ZNF44: variants seen among roughly 807,000 people sequenced by gnomAD.
The protein encoded by ZNF44 is zinc finger protein 44, also known as gonadotropin inducible transcription repressor-2.
ZNF44 carries 9 observed loss-of-function variants against 11.7 expected under a neutral mutation model. The ratio of observed to expected loss-of-function variants is 0.77; its 90% confidence interval spans 0.46 to 1.35. ZNF44 has a LOEUF of 1.35. Among genes scored for constraint, ZNF44 ranks in the 40% most tolerant of loss-of-function variants. The probability of loss-of-function intolerance (pLI) is 0.00; values close to 1 mark genes in which losing one functional copy is unlikely to be tolerated. For synonymous variants in ZNF44, 224 were observed against 242.7 expected, an observed-to-expected ratio of 0.92 and a Z score of 0.72; for missense variants, 696 against 743.1, an observed-to-expected ratio of 0.94 and a Z score of 0.74.
chr19:12,262,748 T>C (rs2438539), intron 5 of ZNF44, among the ~76,000 whole-genome samples: 31,065 of 152,092 alleles, frequency 0.2, 4,098 homozygotes, highest in African/African-American at 0.38. Flanking sequence ...AGAATTGTCT[T>C]GCCTTACATC....
chr19:12,250,352 T>C lies in ZNF44; in HGVS notation c.*15A>G, dbSNP rs941927909. The C allele has an allele frequency of 2.2e-6, 3 of 1,363,510 alleles. No homozygotes were observed. The African/African-American group carries it at 4.5e-5, about 20-fold the overall frequency. The allele number at this position is 1,363,510 out of a possible 1,614,324, so 84.5% of individuals were successfully genotyped here. ...CTGGGTGAAGTTCACAGCCACATCT[T>C]CAAAGGTCACTGAGTCCTAAAACAT... On this transcript the variant is annotated 3_prime_UTR_variant and NMD_transcript_variant, in exon 6 of 8. Transcript: ENST00000393337.
At chr19:12,274,162 T>C in intron 3 of ZNF44, 99 bp from the exon 4 acceptor site, 1 of 1,072,734 alleles carries the variant, frequency 9.3e-7, no homozygotes, top group South Asian at 1.6e-5. Context: ...AGGCAAGCTA[T>C]AAGCTTCATG....
chr19:12,238,170 A>T (rs1474316198), upstream of ZNF44: 2 of 152,224 alleles, frequency 1.3e-5, no homozygotes, highest in Non-Finnish European at 2.9e-5. Flanking sequence ...CATGGAAAAA[A>T]GTTATACTAC....
chr19:12,293,031 G>A (rs558142636), intron 1 of ZNF44, among the ~76,000 whole-genome samples: 2 of 151,840 alleles, frequency 1.3e-5, no homozygotes, highest in African/African-American at 2.4e-5. Flanking sequence ...CACCATGCCC[G>A]GCTAATTTTT....
At position 12,249,455 on chromosome 19, in the gene ZNF44, G is replaced by A. The variant is rs185542548; in HGVS notation, c.*186+523C>T. Among the ~76,000 whole-genome samples, 225 of 144,080 alleles carry A rather than the reference G, an allele frequency of 1.6e-3. 2 individuals are homozygous for A. In the East Asian group the frequency reaches 0.029, roughly 19 times the overall value. The allele number at this position is 144,080 out of a possible 152,430, so 94.5% of individuals were successfully genotyped here. ...CAAGAGGCAGAGCTTGCAGTGAGCC[G>A]AGATCACGCCACTGCACTCCAGCTT... is the stretch of plus-strand genomic sequence containing the variant. On this transcript the variant is annotated intron_variant and NMD_transcript_variant, in intron 7 of 7. Coordinates refer to the ZNF44 transcript ENST00000393337.
chr19:12,247,854 C>A, exon 8 of ZNF44: 1 of 1,306,026 alleles, frequency 7.7e-7, no homozygotes. Context: ...ACACAGTTTA[C>A]ATTCATAGTG....
chr19:12,292,003 A>G (rs1214735993), intron 1 of ZNF44, among the ~76,000 whole-genome samples: 2 of 151,504 alleles, frequency 1.3e-5, no homozygotes, highest in East Asian at 1.9e-4. Context: ...GAAAAAAAAA[A>G]AAAAGAAAAG....
chr19:12,283,949 T>C (rs1967601759), intron 1 of ZNF44, among the ~76,000 whole-genome samples: 1 of 152,206 alleles, frequency 6.6e-6, no homozygotes, highest in Non-Finnish European at 1.5e-5. Context: ...ATTATGCCAC[T>C]GCAGTCCAGC....
intron 5 of ZNF44, among the ~76,000 whole-genome samples, chr19:12,251,473 A>T (rs1916993926): frequency 6.6e-6 from 1 of 152,018 alleles, no homozygotes; most frequent in Non-Finnish European, 1.5e-5. Flanking sequence ...CACCCCAGAG[A>T]AGTGTTCATT....
intron 1 of ZNF44, among the ~76,000 whole-genome samples, chr19:12,278,855 C>T (rs372594555): frequency 6.6e-6 from 1 of 152,154 alleles, no homozygotes. Context: ...AAGCCCCACG[C>T]AGGCACAGGA....
chr19:12,292,874 T>TTG (rs1968074747), intron 1 of ZNF44, among the ~76,000 whole-genome samples: 1 of 147,620 alleles, frequency 6.8e-6, no homozygotes, highest in South Asian at 2.2e-4. Flanking sequence ...TTTTTTTTTT[T>TTG]TTTTTTGAGA....
intron 1 of ZNF44, among the ~76,000 whole-genome samples, chr19:12,292,913 G>A (rs1968079789): frequency 7.0e-6 from 1 of 142,118 alleles, no homozygotes; most frequent in South Asian, 2.2e-4. Context: ...GCCCAGGCTG[G>A]AGTGCAATGG....
downstream of ZNF44, among the ~76,000 whole-genome samples, chr19:12,267,938 G>A (rs1917792698): frequency 6.6e-6 from 1 of 151,302 alleles, no homozygotes; most frequent in Admixed American, 6.6e-5. Flanking sequence ...CCAGGTTCAA[G>A]CGATTCTCCT....
Position 12,274,993 on chromosome 19 carries a change from T to C in ZNF44, c.171A>G (p.Gln57=). The change falls in exon 3 of 4, where the codon CAA becomes CAG. Residue 57 remains glutamine (Q), a synonymous_variant. Transcript: ENST00000355684. ...ATTACCTTGGATTTCTCCTGAGATT[T>C]TGGTGCTGATCATCAATGTTCTGGT... ...WENQNIDDQH[Q]NLRRNPRCDV... 1 of 1,591,740 alleles carries C rather than the reference T, an allele frequency of 6.3e-7. No individual in the cohort carries two copies. The highest frequency in any genetic ancestry group is 8.6e-7 in the Non-Finnish European group (1 of 1,168,510).
chr19:12,266,436 C>T (rs1917731260), intron 5 of ZNF44: 8 of 712,172 alleles, frequency 1.1e-5, no homozygotes, highest in Non-Finnish European at 1.4e-5. Context: ...AACCCAAACC[C>T]ACGGGCTTTA....
intron 3 of ZNF44, 125 bp downstream of exon 3, chr19:12,274,848 A>G: frequency 1.6e-6 from 1 of 609,172 alleles, no homozygotes; most frequent in Non-Finnish European, 2.8e-6. Context: ...TTTTATAGAG[A>G]AATTTTTCTA....
chr19:12,233,907 C>T (rs764785159), intron 2 of ZNF44, among the ~76,000 whole-genome samples: 13 of 152,040 alleles, frequency 8.6e-5, no homozygotes, highest in African/African-American at 2.7e-4. Context: ...ACTAAAAATA[C>T]AAAAATTAGC....
At chr19:12,263,457 A>T (rs1453455404) in intron 5 of ZNF44, among the ~76,000 whole-genome samples, 2 of 152,080 alleles carry the variant, frequency 1.3e-5, no homozygotes, top group Non-Finnish European at 2.9e-5. Flanking sequence ...TGTAAATATT[A>T]CACTCTGAAT....
chr19:12,260,414 C>T, intron 5 of ZNF44: 1 of 1,442,312 alleles, frequency 6.9e-7, no homozygotes, highest in East Asian at 2.3e-5. Context: ...GACACATGAT[C>T]CTCAAGAACA....
Sources: allele counts gnomAD v4.1 joint callset (sites outside exome capture counted in the v4.1 genomes callset), GRCh38; gene constraint gnomAD v4.1.1; transcripts MANE v1.5; gene names NCBI Gene and HGNC (gene_info 2026-07-23, HGNC 2026-07-21).